SLC6A19: variants seen among roughly 807,000 people sequenced by gnomAD.
SLC6A19 encodes the protein sodium-dependent neutral amino acid transporter B(0)AT1.
A neutral mutation model predicts 68.3 loss-of-function variants in SLC6A19; 67 were observed. The observed-to-expected ratio is 0.98, with a 90% CI of 0.81 to 1.20. The LOEUF is 1.20. SLC6A19 is among the 50% of genes most tolerant of loss of function. SLC6A19 has a pLI of 0.00. For synonymous variants in SLC6A19, 392 were observed against 374.9 expected (o/e 1.05, Z -0.53); for missense variants, 813 against 851.6 (o/e 0.95, Z 0.56).
Position 1,214,056 on chromosome 5 carries a change from A to G in SLC6A19, c.878A>G (p.Asn293Ser). 6.2e-7 allele frequency: 1 copy of G among 1,613,294 alleles called. No individual in the cohort carries two copies. The highest frequency in any genetic ancestry group is 2.2e-5 in the East Asian group (1 of 44,852). ...FGGLISFSSY[N>S]SVHNNCEKDS... ...GGCCTCATCTCCTTCTCCAGCTACA[A>G]CTCTGTGCAGTGAGTGCGGGTGTGG... Residue 293 changes from asparagine to serine, a missense_variant, in exon 6 of 12, where the codon AAC (asparagine) becomes AGC (serine). By Grantham distance (46) the Asn-to-Ser change is conservative (BLOSUM62 1). Transcript: ENST00000304460. The surrounding 1 kb of genome is among the most constrained non-coding windows in gnomAD (Gnocchi z 7.4).
At chr5:1,202,049 G>T (rs1056906347) in intron 1 of SLC6A19, among the ~76,000 whole-genome samples, 197 bp downstream of exon 1, 3 of 152,350 alleles carry the variant, frequency 2.0e-5, no homozygotes, top group African/African-American at 4.8e-5. Flanking sequence ...GTGAGGAGAT[G>T]GGCCTGGCCG....
intron 1 of SLC6A19, among the ~76,000 whole-genome samples, chr5:1,202,819 G>T (rs919673572): frequency 2.6e-5 from 4 of 152,244 alleles, no homozygotes; most frequent in African/African-American, 9.6e-5. Flanking sequence ...AAGAAAAACA[G>T]AAATGGGCTT....
In SLC6A19 at chr5:1,201,721, T is replaced by C. The variant is rs772851309; in HGVS notation, c.71T>C (p.Ile24Thr). The change falls in exon 1 of 12, where the codon ATC (isoleucine) becomes ACC (threonine). Residue 24 changes from isoleucine (I) to threonine (T), a missense_variant. By Grantham distance (89) the Ile-to-Thr change is moderately conservative. Transcript: ENST00000304460. ...CCGTCCCTGGCTGAGCTGGAGACCATCGAGCAGGAGGAGGCCAGCTCCCGG... is the reference window on the plus strand; with the variant it reads ...CCGTCCCTGGCTGAGCTGGAGACCACCGAGCAGGAGGAGGCCAGCTCCCGG... The part of the protein sequence containing the change: ...RIPSLAELET[I>T]EQEEASSRPK... 6.2e-7 allele frequency: 1 copy of C among 1,612,424 alleles called. No individual in the cohort carries two copies. The highest frequency in any genetic ancestry group is 1.7e-5 in the Admixed American group (1 of 60,012).
intron 10 of SLC6A19, among the ~76,000 whole-genome samples, chr5:1,220,396 T>G: frequency 8.4e-6 from 1 of 119,162 alleles, no homozygotes; most frequent in East Asian, 2.3e-4. Flanking sequence ...GGTGACAAAA[T>G]GAGGCTCCAT....
chr5:1,219,481 G>T, intron 9 of SLC6A19, 24 bp from the exon 10 acceptor site: 1 of 1,606,232 alleles, frequency 6.2e-7, no homozygotes. Flanking sequence ...GGGCGTGTGA[G>T]CAGCTCTGTC....
chr5:1,213,838 C>A, intron 5 of SLC6A19, 115 bp from the exon 6 acceptor site: 1 of 1,542,288 alleles, frequency 6.5e-7, no homozygotes, highest in Non-Finnish European at 8.8e-7. Flanking sequence ...GGGCCCTGGC[C>A]TGTCCTGACC....
rs1414186057 is a variant in SLC6A19 at position 1,210,426 on chromosome 5, G to T, written c.344-18G>T. 3 of 1,612,146 alleles carry T rather than the reference G, an allele frequency of 1.9e-6. No homozygotes were observed. In the African/African-American group the frequency reaches 4.0e-5, roughly 22 times the overall value. On this transcript the variant is annotated intron_variant, in intron 2 of 11. Transcript: ENST00000304460. ...GGGTGTGCCTCGGCCCCAAGCCTCA[G>T]CAGCAGCCTCCCTGCAGGCCTGGCC...
chr5:1,219,448 C>A, intron 9 of SLC6A19, 57 bp from the exon 10 acceptor site: 1 of 1,600,824 alleles, frequency 6.2e-7, no homozygotes, highest in Non-Finnish European at 8.5e-7. Context: ...ACAGCTCTGT[C>A]CCTGGCCGTG....
rs1746176621 is a variant in SLC6A19, at chr5:1,215,296, G to T, written c.887+1231G>T. Reference sequence around the variant, plus strand: ...ACAACTCCCCCATTTGGAATGCCCAGTTCAATGGTCTTAAGTACATTCACA... The same window carrying T: ...ACAACTCCCCCATTTGGAATGCCCATTTCAATGGTCTTAAGTACATTCACA... On this transcript the variant is annotated intron_variant, in intron 6 of 11. Coordinates refer to ENST00000304460, the MANE Select transcript of SLC6A19 (RefSeq NM_001003841.3). This position sits in a 1 kb window ranked among gnomAD's most constrained non-coding sequence, Gnocchi z 5.1. Among the ~76,000 whole-genome samples the T allele has an allele frequency of 6.6e-6, 1 of 152,204 alleles. No homozygotes were observed. The highest frequency in any genetic ancestry group is 2.1e-4 in the South Asian group (1 of 4,836).
At position 1,206,699 on chromosome 5, in the gene SLC6A19, C is replaced by T. The variant is rs573517488; in HGVS notation, c.203-2047C>T. On this transcript the variant is annotated intron_variant, in intron 1 of 11. Coordinates refer to ENST00000304460, the MANE Select transcript of SLC6A19 (RefSeq NM_001003841.3). ...TGCTGGTGGGGAGGGTGCAGGCAGG[C>T]GGGTCACGCGTCCCTCCTGAGAGGC... 7.2e-5 allele frequency among the ~76,000 whole-genome samples: 11 copies of T among 152,106 alleles called. No homozygotes were observed. The East Asian group carries it at 2.1e-3, about 30-fold the overall frequency.
rs899503433 is a variant in SLC6A19 at position 1,212,127 on chromosome 5, C to T, written c.482-176C>T. Among the ~76,000 whole-genome samples, 22 of 135,928 alleles carry T rather than the reference C, an allele frequency of 1.6e-4. No individual in the cohort carries two copies. The highest frequency in any genetic ancestry group is 1.2e-3 in the Admixed American group (16 of 13,796). The allele number at this position is 135,928 out of a possible 152,430, so 89.2% of individuals were successfully genotyped here. A position where few individuals can be genotyped will look rare whatever the true frequency, so the allele number is the denominator to read the frequency against. On this transcript the variant is annotated intron_variant, in intron 3 of 11. Transcript: ENST00000304460. This position sits in a 1 kb window ranked among gnomAD's most constrained non-coding sequence, Gnocchi z 5.1. ...TGTAGCTGTGCATGTGTGCTGTGTG[C>T]GTGCATGCATGTGCGTGCACGTGAG...
chr5:1,210,476 G>T lies in SLC6A19; in HGVS notation c.376G>T (p.Gly126Ter). ...CTCCATGCTCACGTCCTTCATGGTGGGACTGTATTACAACACCATCATCTC... is the reference window on the plus strand; with the variant it reads ...CTCCATGCTCACGTCCTTCATGGTGTGACTGTATTACAACACCATCATCTC... ...LASMLTSFMV[G>*]LYYNTIISWI... Residue 126 changes from glycine (G) to a stop codon, truncating the protein, a stop_gained, in exon 3 of 12, where the codon GGA becomes TGA. Coordinates refer to ENST00000304460, the MANE Select transcript of SLC6A19 (RefSeq NM_001003841.3). LOFTEE classifies it high-confidence loss of function. The T allele has an allele frequency of 6.2e-7, 1 of 1,613,356 alleles. No individual in the cohort carries two copies. The highest frequency in any genetic ancestry group is 8.5e-7 in the Non-Finnish European group (1 of 1,180,026).
In SLC6A19 at chr5:1,215,797, G is replaced by A. The variant is rs781315725; in HGVS notation, c.888-761G>A. On this transcript the variant is annotated intron_variant, in intron 6 of 11. Coordinates refer to ENST00000304460, the MANE Select transcript of SLC6A19 (RefSeq NM_001003841.3). The surrounding 1 kb of genome is among the most constrained non-coding windows in gnomAD (Gnocchi z 5.1). ...TGCTGGCCTCTACATGCAGTCCTTCGAGGAGCTGTCAGGCTGTTTTCCACG... is the reference window on the plus strand; with the variant it reads ...TGCTGGCCTCTACATGCAGTCCTTCAAGGAGCTGTCAGGCTGTTTTCCACG... 1.5e-4 allele frequency among the ~76,000 whole-genome samples: 23 copies of A among 152,244 alleles called. No homozygotes were observed. Among genetic ancestry groups the A allele is most frequent in the Admixed American group, 5.9e-4 (9 of 15,292 alleles).
At chr5:1,220,530 G>A (rs921984843) in intron 10 of SLC6A19, among the ~76,000 whole-genome samples, 2 of 152,006 alleles carry the variant, frequency 1.3e-5, no homozygotes, top group Admixed American at 6.6e-5. Context: ...TTTGCAGGAC[G>A]CAAGGGCAGT....
Position 1,216,907 on chromosome 5 carries a change from G to C in SLC6A19, c.1135G>C (p.Val379Leu). ...CGACCCCGCGGCCTACGCGCAGCTG[G>C]TGTTCCAGACCTGCGACATCAACGC... ...ASDPAAYAQL[V>L]FQTCDINAFL... The change falls in exon 8 of 12, where the codon GTG becomes CTG. Residue 379 changes from valine to leucine, a missense_variant. Coordinates refer to ENST00000304460, the MANE Select transcript of SLC6A19 (RefSeq NM_001003841.3). The C allele has an allele frequency of 6.2e-7, 1 of 1,613,544 alleles. No individual in the cohort carries two copies. The highest frequency in any genetic ancestry group is 8.5e-7 in the Non-Finnish European group (1 of 1,180,032).
rs1746392294 is a variant in SLC6A19 at position 1,221,881 on chromosome 5, A to G, written c.1882A>G (p.Met628Val). ...GGTGAGCACACTGTCCACAGCCTCC[A>G]TGAACGGGGACCTGAAGTACTGAGA... is the stretch of plus-strand genomic sequence containing the variant. ...GLVSTLSTAS[M>V]NGDLKY is the part of the protein sequence containing the mutation. The change falls in exon 12 of 12, where the codon ATG becomes GTG. Residue 628 changes from methionine to valine, a missense_variant. Transcript: ENST00000304460. 6 of 1,614,048 alleles carry G rather than the reference A, an allele frequency of 3.7e-6. No individual in the cohort carries two copies. Among genetic ancestry groups the G allele is most frequent in the South Asian group, 1.1e-5 (1 of 91,092 alleles).
In SLC6A19 at chr5:1,219,237, G is replaced by A. The variant is rs536631180; in HGVS notation, c.1378+130G>A. On this transcript the variant is annotated intron_variant, in intron 9 of 11. Transcript: ENST00000304460. ...CGGGCGTGTGAACAGCTCTGTCCCC[G>A]GCCGTGCGTGCAGCCCCCAGGCGTG... 5.3e-4 allele frequency: 518 copies of A among 969,846 alleles called. 2 individuals are homozygous for A. Among genetic ancestry groups the A allele is most frequent in the African/African-American group, 2.7e-3 (163 of 60,742 alleles). 60.1% of individuals were successfully genotyped at this position (969,846 alleles called of 1,614,324 possible).
At position 1,219,386 on chromosome 5, in the gene SLC6A19, G is replaced by A. The variant is rs1184038781; in HGVS notation, c.1379-119G>A. The A allele has an allele frequency of 7.0e-6, 10 of 1,424,830 alleles. No individual in the cohort carries two copies. In the Admixed American group the frequency reaches 1.7e-4, roughly 24 times the overall value. 88.3% of individuals were successfully genotyped at this position (1,424,830 alleles called of 1,614,324 possible). A position where few individuals can be genotyped will look rare whatever the true frequency, so the allele number is the denominator to read the frequency against. ...TCCCCGGCAGTGTGTGCAGCCCCCG[G>A]GTGTGTGAACAGCTCTGTCCCTGGC... On this transcript the variant is annotated intron_variant, in intron 9 of 11. Coordinates refer to ENST00000304460, the MANE Select transcript of SLC6A19 (RefSeq NM_001003841.3).
At chr5:1,217,038 CG>C in intron 8 of SLC6A19, 93 bp downstream of exon 8, 1 of 1,587,832 alleles carries the variant, frequency 6.3e-7, no homozygotes, top group South Asian at 1.1e-5. Flanking sequence ...CTGTGGAGGA[CG>C]CAGATGCTGA....
Sources: gnomAD v4.1 joint callset for allele counts (sites outside exome capture counted in the v4.1 genomes callset) on GRCh38, gnomAD v4.1.1 for gene constraint, Gnocchi (gnomAD v3.1) non-coding constraint, MANE v1.5 for transcripts, NCBI Gene and HGNC (gene_info 2026-07-23, HGNC 2026-07-21) for gene names.